The following DEAF1 variants were observed in gnomAD, a reference collection of about 807,000 sequenced individuals.
DEAF1 encodes deformed epidermal autoregulatory factor 1 homolog.
A neutral mutation model predicts 58.9 loss-of-function variants in DEAF1; 53 were observed. The observed-to-expected ratio is 0.90, with a 90% CI of 0.72 to 1.13. The LOEUF is 1.13. Among genes scored for constraint, DEAF1 ranks in the 50% most tolerant of loss-of-function variants. The pLI, the probability that DEAF1 is intolerant of heterozygous loss-of-function variation, is 0.00. For missense variants in DEAF1, 685 were observed against 791.4 expected, an observed-to-expected ratio of 0.87 and a Z score of 1.61; for synonymous variants, 385 against 340.4, an observed-to-expected ratio of 1.13 and a Z score of -1.44.
Position 688,047 on chromosome 11 carries a change from A to ACTCT in DEAF1, c.527_528insAGAG (p.Pro177GlufsTer16). On this transcript the variant is annotated frameshift_variant, in exon 4 of 12. Coordinates refer to ENST00000382409, the MANE Select transcript of DEAF1 (RefSeq NM_021008.4). LOFTEE classifies it high-confidence loss of function. This position sits in a 1 kb window ranked among gnomAD's most constrained non-coding sequence, Gnocchi z 4.3. ...GGCCGGGAGCCAGAGGGGTTGGAGG[A>ACTCT]GACTGAGGACCTTGGGCAGAGAAAG... 2 of 1,613,948 alleles carry ACTCT rather than the reference A, an allele frequency of 1.2e-6. No individual in the cohort carries two copies. Among genetic ancestry groups the ACTCT allele is most frequent in the Non-Finnish European group, 1.7e-6 (2 of 1,179,992 alleles).
At position 676,068 on chromosome 11, in the gene DEAF1, C is replaced by T. The variant is rs1362545440; in HGVS notation, c.1256-1285G>A. On this transcript the variant is annotated intron_variant, in intron 9 of 11. Coordinates refer to ENST00000382409, the MANE Select transcript of DEAF1 (RefSeq NM_021008.4). ...CCCGACAACCCCCAGCATCCGACACCCCCCAGCACCCGACATCCCCCCCAG... is the reference window on the plus strand; with the variant it reads ...CCCGACAACCCCCAGCATCCGACACTCCCCAGCACCCGACATCCCCCCCAG... Among the ~76,000 whole-genome samples, 21 of 42,616 alleles carry T rather than the reference C, an allele frequency of 4.9e-4. 1 individual carries two copies. The highest frequency in any genetic ancestry group is 2.0e-3 in the African/African-American group (21 of 10,308). The allele number at this position is 42,616 out of a possible 152,430, so 28.0% of individuals were successfully genotyped here. A position where few individuals can be genotyped will look rare whatever the true frequency, so the allele number is the denominator to read the frequency against.
At chr11:679,607 A>G (rs898351106) in intron 8 of DEAF1, 81 bp downstream of exon 8, 2 of 1,594,654 alleles carry the variant, frequency 1.3e-6, no homozygotes, top group Non-Finnish European at 1.7e-6. Context: ...CAGCCTATGC[A>G]GCCCAATGTG....
chr11:656,855 C>T (rs1490711176), intron 10 of DEAF1, among the ~76,000 whole-genome samples: 1 of 152,100 alleles, frequency 6.6e-6, no homozygotes, highest in Non-Finnish European at 1.5e-5. Context: ...GCGGTATGCC[C>T]TTTGCAAAAC....
At chr11:653,248 G>C (rs7927089) in intron 11 of DEAF1, among the ~76,000 whole-genome samples, 34,112 of 124,014 alleles carry the variant, frequency 0.28, 6,335 homozygotes, top group African/African-American at 0.55. Flanking sequence ...TGTGGACGCT[G>C]TCTCTCGCGT....
chr11:687,791 C>T (rs1590017493), intron 4 of DEAF1, 120 bp downstream of exon 4: 2 of 1,404,302 alleles, frequency 1.4e-6, no homozygotes, highest in Non-Finnish European at 2.0e-6. Context: ...CCACCGCGCC[C>T]AGCCCTGTCT....
intron 7 of DEAF1, among the ~76,000 whole-genome samples, chr11:680,741 A>G (rs1283351026): frequency 6.6e-6 from 1 of 152,216 alleles, no homozygotes; most frequent in Non-Finnish European, 1.5e-5. Context: ...GACAAGGCCA[A>G]CAGTGTCCGG....
chr11:658,807 C>T (rs1859186924), intron 10 of DEAF1, among the ~76,000 whole-genome samples: 1 of 152,202 alleles, frequency 6.6e-6, no homozygotes, highest in Non-Finnish European at 1.5e-5. Context: ...GCTGCAGGGG[C>T]CCCCCATCTG....
intron 9 of DEAF1, among the ~76,000 whole-genome samples, chr11:677,974 C>CA: frequency 1.1e-5 from 1 of 89,732 alleles, no homozygotes; most frequent in South Asian, 3.7e-4. Flanking sequence ...AAAAAAAAAA[C>CA]AAAAAACGTA....
At chr11:666,184 C>T (rs879269467) in intron 10 of DEAF1, 2 of 152,266 alleles carry the variant, frequency 1.3e-5, no homozygotes, top group Non-Finnish European at 2.9e-5. Flanking sequence ...GCCAGACAGA[C>T]CTGCCCTAAC....
intron 6 of DEAF1, among the ~76,000 whole-genome samples, chr11:683,847 C>G (rs962669191): frequency 6.6e-6 from 1 of 152,116 alleles, no homozygotes; most frequent in Non-Finnish European, 1.5e-5. Context: ...TACATGATTT[C>G]CTAGACTGAC....
At chr11:655,362 T>C (rs569523544) in intron 10 of DEAF1, among the ~76,000 whole-genome samples, 114 of 152,372 alleles carry the variant, frequency 7.5e-4, no homozygotes, top group Non-Finnish European at 1.3e-3. Context: ...TTGGAGCTTT[T>C]CTTTTTAATC....
At chr11:691,474 TG>T in intron 2 of DEAF1, 26 bp downstream of exon 2, 1 of 1,605,514 alleles carries the variant, frequency 6.2e-7, no homozygotes, top group Non-Finnish European at 8.5e-7. Context: ...CCACCCGCCC[TG>T]GGCTGTGCCC....
In DEAF1 at chr11:695,039, G is replaced by A; in HGVS notation, c.9C>T (p.Asp3=). 10 of 1,424,318 alleles carry A rather than the reference G, an allele frequency of 7.0e-6. No individual in the cohort carries two copies. The highest frequency in any genetic ancestry group is 9.2e-6 in the Non-Finnish European group (10 of 1,087,864). 88.2% of individuals were successfully genotyped at this position (1,424,318 alleles called of 1,614,324 possible). ME[D]SDSAAKQLGL... ...CCAGCTGCTTTGCCGCCGAGTCCGA[G>A]TCCTCCATCCGGACTCCGCCGAGCC... Residue 3 remains aspartate, a synonymous_variant, in exon 1 of 12, where the codon GAC becomes GAT. Coordinates refer to ENST00000382409, the MANE Select transcript of DEAF1 (RefSeq NM_021008.4).
At chr11:680,253 C>A (rs1050123756) in intron 7 of DEAF1, among the ~76,000 whole-genome samples, 1 of 152,170 alleles carries the variant, frequency 6.6e-6, no homozygotes, top group Non-Finnish European at 1.5e-5. Context: ...AAAATCCTGG[C>A]GACAGATCTT....
chr11:660,328 G>T (rs1275511664), intron 10 of DEAF1, among the ~76,000 whole-genome samples: 1 of 152,344 alleles, frequency 6.6e-6, no homozygotes, highest in Middle Eastern at 3.4e-3. Context: ...GGAAGCATCA[G>T]ACAAATTCAG....
chr11:687,863 G>A (rs1202732846), intron 4 of DEAF1, 48 bp downstream of exon 4: 1 of 1,611,130 alleles, frequency 6.2e-7, no homozygotes, highest in Non-Finnish European at 8.5e-7. Flanking sequence ...ATGCTAGGGG[G>A]GTTACAAAGG....
chr11:657,970 T>C (rs911689409), intron 10 of DEAF1, among the ~76,000 whole-genome samples: 1 of 151,924 alleles, frequency 6.6e-6, no homozygotes, highest in African/African-American at 2.4e-5. Flanking sequence ...AAGTCCGGAG[T>C]TCACAGGGAC....
chr11:703,536 C>T, intron 1 of DEAF1: 2 of 1,234,994 alleles, frequency 1.6e-6, no homozygotes, highest in Non-Finnish European at 1.0e-6. Context: ...CACTGCATCC[C>T]CCATCACCCC....
intron 11 of DEAF1, among the ~76,000 whole-genome samples, chr11:650,650 G>C (rs1452354502): frequency 6.6e-6 from 1 of 150,698 alleles, no homozygotes; most frequent in Admixed American, 6.6e-5. Flanking sequence ...CAGCCAAAAA[G>C]GTTTTTTTTA....
Sources: allele counts gnomAD v4.1 joint callset (sites outside exome capture counted in the v4.1 genomes callset), GRCh38; gene constraint gnomAD v4.1.1; non-coding constraint Gnocchi (gnomAD v3.1); transcripts MANE v1.5; gene names NCBI Gene and HGNC (gene_info 2026-07-23, HGNC 2026-07-21).